Variants in MEI4 observed in about 807,000 individuals in gnomAD.
MEI4 encodes meiosis-specific protein MEI4.
A neutral mutation model predicts 31.4 loss-of-function variants in MEI4; 27 were observed. The observed-to-expected ratio is 0.86, with a 90% CI of 0.63 to 1.19. The LOEUF (loss-of-function observed/expected upper bound fraction) is 1.19, where lower values mean the gene tolerates loss of function less well. Ranked by LOEUF, MEI4 falls within the 50% of genes most tolerant of loss-of-function variation. The pLI, the probability that MEI4 is intolerant of heterozygous loss-of-function variation, is 0.00. For synonymous variants in MEI4, 122 were observed against 145.4 expected, an observed-to-expected ratio of 0.84 and a Z score of 1.16; for missense variants, 329 against 398.9, an observed-to-expected ratio of 0.82 and a Z score of 1.49.
rs1771537337 is a variant in MEI4, at chr6:77,883,541, C to A, written c.901-39548C>A. ...TTAGCTCGCACATATAAGTGACAAT[C>A]TGCAATGTTGGTCTTCTCTGCCTGG... is the stretch of plus-strand genomic sequence containing the variant. On this transcript the variant is annotated intron_variant, in intron 4 of 4. Transcript: ENST00000684080. 3.3e-5 allele frequency among the ~76,000 whole-genome samples: 5 copies of A among 151,554 alleles called. 1 individual carries two copies. In the South Asian group the frequency reaches 1.0e-3, roughly 32 times the overall value.
At chr6:77,768,987 G>C (rs551740083) in intron 3 of MEI4, among the ~76,000 whole-genome samples, 40 of 152,220 alleles carry the variant, frequency 2.6e-4, no homozygotes, top group Non-Finnish European at 4.1e-4. Context: ...GCCTCCACAG[G>C]AAGACTAAAT....
intron 4 of MEI4, among the ~76,000 whole-genome samples, chr6:77,841,333 A>ATATATATATATT: frequency 7.9e-4 from 22 of 27,738 alleles, no homozygotes; most frequent in African/African-American, 1.3e-3. Flanking sequence ...ATATATATAT[A>ATATATATATATT]TTTTTTTTTT....
At chr6:77,811,594 G>A (rs1283108669) in intron 3 of MEI4, among the ~76,000 whole-genome samples, 1 of 152,016 alleles carries the variant, frequency 6.6e-6, no homozygotes, top group Non-Finnish European at 1.5e-5. Context: ...GGCCAACATG[G>A]TGAAACCCCG....
At chr6:77,843,532 A>G (rs1193910471) in intron 4 of MEI4, among the ~76,000 whole-genome samples, 1 of 136,318 alleles carries the variant, frequency 7.3e-6, no homozygotes, top group Non-Finnish European at 1.7e-5. Flanking sequence ...AGGCAGACAA[A>G]TTAAAAAAAA....
intron 2 of MEI4, among the ~76,000 whole-genome samples, chr6:77,743,750 A>G (rs79247582): frequency 1.3e-5 from 2 of 151,786 alleles, no homozygotes; most frequent in African/African-American, 2.4e-5. Context: ...TCACATGGCC[A>G]GGTACTCCTC....
intron 4 of MEI4, among the ~76,000 whole-genome samples, chr6:77,834,852 C>T (rs1562006418): frequency 3.3e-5 from 5 of 152,210 alleles, no homozygotes; most frequent in East Asian, 1.9e-4. Flanking sequence ...GTAAAGTACC[C>T]GGTAGGACAA....
intron 4 of MEI4, among the ~76,000 whole-genome samples, chr6:77,908,775 G>C (rs1766360221): frequency 1.3e-5 from 2 of 151,970 alleles, no homozygotes; most frequent in South Asian, 4.1e-4. Context: ...AATGGTAAAG[G>C]GATCAATTCA....
intron 3 of MEI4, among the ~76,000 whole-genome samples, chr6:77,812,188 G>T (rs1461834802): frequency 6.6e-6 from 1 of 151,974 alleles, no homozygotes; most frequent in Non-Finnish European, 1.5e-5. Flanking sequence ...TATTTGGAAT[G>T]ATTCTTGAAA....
chr6:77,846,116 G>T lies in MEI4; in HGVS notation c.900+17054G>T, dbSNP rs542322569. On this transcript the variant is annotated intron_variant, in intron 4 of 4. Coordinates refer to ENST00000684080, the MANE Select transcript of MEI4 (RefSeq NM_001322247.2). ...TATCTTCAATATGAATTTCAATTTT[G>T]TTTTTTCTTTTTTTGAGATGGAGTC... 8.4e-4 allele frequency among the ~76,000 whole-genome samples: 127 copies of T among 151,216 alleles called. 1 individual carries two copies. The highest frequency in any genetic ancestry group is 7.9e-3 in the South Asian group (38 of 4,782).
chr6:77,755,016 G>A (rs932349506), intron 2 of MEI4, among the ~76,000 whole-genome samples: 1 of 152,108 alleles, frequency 6.6e-6, no homozygotes, highest in Non-Finnish European at 1.5e-5. Flanking sequence ...AGGGAATGTA[G>A]AAATAAGTAA....
At chr6:77,763,115 A>G (rs909127696) in intron 3 of MEI4, among the ~76,000 whole-genome samples, 1 of 152,116 alleles carries the variant, frequency 6.6e-6, no homozygotes, top group African/African-American at 2.4e-5. Context: ...ACTTAAACCT[A>G]TACAAGAGTA....
intron 3 of MEI4, among the ~76,000 whole-genome samples, chr6:77,816,276 A>G (rs1409522797): frequency 1.3e-5 from 2 of 152,104 alleles, no homozygotes; most frequent in African/African-American, 2.4e-5. Context: ...CATCATTAGT[A>G]TATTTCATTG....
chr6:77,780,670 T>C (rs187247489), intron 3 of MEI4, among the ~76,000 whole-genome samples: 36 of 152,300 alleles, frequency 2.4e-4, no homozygotes, highest in Non-Finnish European at 4.4e-4. Context: ...CTCTATATCA[T>C]GACCTTTTGG....
intron 4 of MEI4, among the ~76,000 whole-genome samples, chr6:77,864,828 G>T (rs1770974660): frequency 6.6e-6 from 1 of 152,038 alleles, no homozygotes; most frequent in African/African-American, 2.4e-5. Flanking sequence ...CACATAGGTG[G>T]AAGTAAAGCA....
At chr6:77,675,343 A>G (rs1038111305) in intron 1 of MEI4, among the ~76,000 whole-genome samples, 6 of 152,002 alleles carry the variant, frequency 3.9e-5, no homozygotes, top group Non-Finnish European at 8.8e-5. Flanking sequence ...CTTTTTCGTG[A>G]TGTCTTCAAT....
chr6:77,741,908 T>C (rs1022800855), intron 2 of MEI4, among the ~76,000 whole-genome samples: 26 of 151,812 alleles, frequency 1.7e-4, no homozygotes, highest in Non-Finnish European at 3.5e-4. Context: ...CTGAGAATGA[T>C]GATCTCCAGT....
At chr6:77,802,423 C>A (rs528144297) in intron 3 of MEI4, among the ~76,000 whole-genome samples, 68 of 152,218 alleles carry the variant, frequency 4.5e-4, no homozygotes, top group Non-Finnish European at 7.1e-4. Context: ...ACTCTTTATC[C>A]AATTTGCCAG....
intron 3 of MEI4, among the ~76,000 whole-genome samples, chr6:77,826,446 A>G (rs1769953438): frequency 6.6e-6 from 1 of 152,144 alleles, no homozygotes; most frequent in Non-Finnish European, 1.5e-5. Context: ...TATCTAAAGG[A>G]CAGAACTTCT....
chr6:77,758,914 T>TACTTCCAGTCTTCACTTACTTTCTTC (rs1166999264), intron 2 of MEI4, among the ~76,000 whole-genome samples: 1 of 152,218 alleles, frequency 6.6e-6, no homozygotes, highest in African/African-American at 2.4e-5. Flanking sequence ...TTTCTTCACT[T>TACTTCCAGTCTTCACTTACTTTCTTC]ACTTCCAGTC....
Sources: gnomAD v4.1 joint callset for allele counts (sites outside exome capture counted in the v4.1 genomes callset) on GRCh38, gnomAD v4.1.1 for gene constraint, MANE v1.5 for transcripts, NCBI Gene and HGNC (gene_info 2026-07-23, HGNC 2026-07-21) for gene names.